The following TTLL11 variants were observed in gnomAD, a reference collection of about 807,000 sequenced individuals.
TTLL11 encodes the protein tubulin tyrosine ligase like 11, also known as tubulin polyglutamylase TTLL11.
TTLL11 carries 42 observed loss-of-function variants against 51.7 expected under a neutral mutation model. The observed-to-expected ratio is 0.81, with a 90% CI of 0.64 to 1.05. The LOEUF is 1.05. TTLL11 is among the 50% of genes least tolerant of loss of function. The pLI, the probability that TTLL11 is intolerant of heterozygous loss-of-function variation, is 0.00. For missense variants in TTLL11, 799 were observed against 940.4 expected (o/e 0.85, Z 1.97); for synonymous variants, 381 against 383.5 (o/e 0.99, Z 0.08).
At chr9:121,966,309 G>C (rs542278311) in intron 6 of TTLL11, among the ~76,000 whole-genome samples, 1 of 152,128 alleles carries the variant, frequency 6.6e-6, no homozygotes, top group African/African-American at 2.4e-5. Flanking sequence ...CAGGCATTGC[G>C]TGGCATCATG....
At position 121,826,221 on chromosome 9, in the gene TTLL11, C is replaced by CATATATATAT. The variant is rs1564260024; in HGVS notation, c.1841-3343_1841-3342insATATATATAT. Among the ~76,000 whole-genome samples, 39 of 27,310 alleles carry CATATATATAT rather than the reference C, an allele frequency of 1.4e-3. 3 individuals carry two copies. Among genetic ancestry groups the CATATATATAT allele is most frequent in the African/African-American group, 3.3e-3 (38 of 11,560 alleles). The allele number at this position is 27,310 out of a possible 152,430, so 17.9% of individuals were successfully genotyped here. ...ATATATATATATATATATATATGCA[C>CATATATATAT]ACATATATATATACACGCACATATA... On this transcript the variant is annotated intron_variant, in intron 8 of 8. Transcript: ENST00000321582.
At chr9:121,932,595 G>C (rs761144109) in intron 6 of TTLL11, among the ~76,000 whole-genome samples, 3 of 152,226 alleles carry the variant, frequency 2.0e-5, no homozygotes, top group Non-Finnish European at 4.4e-5. Context: ...AGCATGGAGA[G>C]CCCATGCTAT....
At chr9:122,080,134 C>T (rs1392814382) in intron 1 of TTLL11, among the ~76,000 whole-genome samples, 1 of 152,164 alleles carries the variant, frequency 6.6e-6, no homozygotes, top group Admixed American at 6.6e-5. Flanking sequence ...CCACTTTGAA[C>T]TATGCACTTA....
chr9:121,834,528 C>T (rs537674944), intron 8 of TTLL11, among the ~76,000 whole-genome samples: 28 of 149,678 alleles, frequency 1.9e-4, no homozygotes, highest in Non-Finnish European at 3.5e-4. Context: ...CAACACAGTG[C>T]TTAAAAAATG....
At chr9:121,854,950 A>G (rs948170465) in intron 8 of TTLL11, among the ~76,000 whole-genome samples, 3 of 152,202 alleles carry the variant, frequency 2.0e-5, no homozygotes, top group African/African-American at 7.2e-5. Flanking sequence ...GACAATTAAC[A>G]TTGGCATGCT....
chr9:122,010,536 C>T lies in TTLL11; in HGVS notation c.694-20766G>A, dbSNP rs184132768. ...AGTATTTATGACAGAGACTCTATGACCTACAAAGCTGAAAAGAGTTACTAT... is the reference window on the plus strand; with the variant it reads ...AGTATTTATGACAGAGACTCTATGATCTACAAAGCTGAAAAGAGTTACTAT... On this transcript the variant is annotated intron_variant, in intron 3 of 8. Coordinates refer to ENST00000321582, the MANE Select transcript of TTLL11 (RefSeq NM_001139442.2). 9.2e-5 allele frequency among the ~76,000 whole-genome samples: 14 copies of T among 152,278 alleles called. No individual in the cohort carries two copies. The East Asian group carries it at 2.5e-3, about 27-fold the overall frequency.
chr9:121,870,890 G>A, intron 6 of TTLL11, 142 bp from the exon 7 acceptor site: 1 of 976,612 alleles, frequency 1.0e-6, no homozygotes, highest in South Asian at 1.9e-5. Context: ...GAAGTGACCT[G>A]CCCAAGCTCA....
In TTLL11 at chr9:121,816,138, A is replaced by G. The variant is rs747275882; in HGVS notation, c.*6449T>C. On this transcript the variant is annotated 3_prime_UTR_variant, in exon 9 of 9. Transcript: ENST00000321582. ...CACTGGCCCGTGGTCATTTAGGCAG[A>G]GCGCAACAGATAGAACAAAGTGCAT... 6.6e-6 allele frequency: 1 copy of G among 152,250 alleles called. No individual in the cohort carries two copies. Among genetic ancestry groups the G allele is most frequent in the Non-Finnish European group, 1.5e-5 (1 of 68,062 alleles). The allele number at this position is 152,250 out of a possible 1,614,324, so 9.4% of individuals were successfully genotyped here. A position where few individuals can be genotyped will look rare whatever the true frequency, so the allele number is the denominator to read the frequency against.
At chr9:122,066,578 G>A (rs1469901337) in intron 1 of TTLL11, among the ~76,000 whole-genome samples, 1 of 152,142 alleles carries the variant, frequency 6.6e-6, no homozygotes, top group Non-Finnish European at 1.5e-5. Flanking sequence ...ACCAAGTTTG[G>A]GGCCATAACA....
chr9:121,921,809 A>T (rs549029005), intron 6 of TTLL11, among the ~76,000 whole-genome samples: 3 of 152,306 alleles, frequency 2.0e-5, no homozygotes, highest in Admixed American at 6.5e-5. Flanking sequence ...GGCTAGATAG[A>T]GGGAAGTAAT....
intron 1 of TTLL11, among the ~76,000 whole-genome samples, chr9:122,089,219 T>C (rs1935755841): frequency 6.6e-6 from 1 of 152,000 alleles, no homozygotes; most frequent in Admixed American, 6.6e-5. Flanking sequence ...GGGCTACTCA[T>C]CCACTCCCAC....
chr9:122,007,915 C>T (rs1436115490), intron 3 of TTLL11, among the ~76,000 whole-genome samples: 2 of 152,256 alleles, frequency 1.3e-5, no homozygotes, highest in East Asian at 3.9e-4. Flanking sequence ...CTGGCAGACA[C>T]CACCTTAGCC....
At chr9:122,049,153 G>C (rs1376635674) in intron 1 of TTLL11, among the ~76,000 whole-genome samples, 1 of 152,152 alleles carries the variant, frequency 6.6e-6, no homozygotes, top group Non-Finnish European at 1.5e-5. Flanking sequence ...AACTCACAAA[G>C]AGCAGCCACT....
chr9:121,954,963 G>A (rs994254541), intron 6 of TTLL11, among the ~76,000 whole-genome samples: 3 of 152,096 alleles, frequency 2.0e-5, no homozygotes, highest in Non-Finnish European at 2.9e-5. Context: ...GGAAGCGTGG[G>A]GACTGGCTCT....
At position 121,815,758 on chromosome 9, in the gene TTLL11, C is replaced by T. The variant is rs1836388386; in HGVS notation, c.*6829G>A. On this transcript the variant is annotated 3_prime_UTR_variant, in exon 9 of 9. Transcript: ENST00000321582. ...ATGAAGTTGCCAAGACAACTGAGGC[C>T]AAGTAACAGAACCTTGACTTTATGC... 6.6e-6 allele frequency: 1 copy of T among 152,096 alleles called. No homozygotes were observed. Among genetic ancestry groups the T allele is most frequent in the South Asian group, 2.1e-4 (1 of 4,824 alleles). 9.4% of individuals were successfully genotyped at this position (152,096 alleles called of 1,614,324 possible). A position where few individuals can be genotyped will look rare whatever the true frequency, so the allele number is the denominator to read the frequency against.
At position 122,092,935 on chromosome 9, in the gene TTLL11, C is replaced by T. The variant is rs1409545229; in HGVS notation, c.214G>A (p.Ala72Thr). 6.3e-7 allele frequency: 1 copy of T among 1,581,240 alleles called. No individual in the cohort carries two copies. ...ACCTGGGTGTTCCCCTCCTCAGCCG[C>T]ACTGGGCTGCGCCGGGGCCGGGGCC... Reference protein sequence around the residue: ...VLAPAPAQPSAAEEGNTQVLQ... With the variant: ...VLAPAPAQPSTAEEGNTQVLQ... Residue 72 changes from alanine to threonine, a missense_variant, in exon 1 of 9, where the codon GCG (alanine) becomes ACG (threonine). Around this residue, in one of 3 missense-constraint regions of TTLL11, gnomAD observed 166 missense variants for 161.6 expected, o/e 1.03. Coordinates refer to ENST00000321582, the MANE Select transcript of TTLL11 (RefSeq NM_001139442.2).
chr9:122,084,684 T>C lies in TTLL11; in HGVS notation c.462+8003A>G, dbSNP rs115873378. Among the ~76,000 whole-genome samples, 659 of 152,322 alleles carry C rather than the reference T, an allele frequency of 4.3e-3. 6 individuals are homozygous for C. Among genetic ancestry groups the C allele is most frequent in the African/African-American group, 0.014 (580 of 41,558 alleles). On this transcript the variant is annotated intron_variant, in intron 1 of 8. Transcript: ENST00000321582. Reference sequence around the variant, plus strand: ...AGAGGGAAAGTCAAACCAACATGTATTCTTACTTTAAAGTGCCAGGCGCTT... The same window carrying C: ...AGAGGGAAAGTCAAACCAACATGTACTCTTACTTTAAAGTGCCAGGCGCTT...
At position 122,039,529 on chromosome 9, in the gene TTLL11, G is replaced by A. The variant is rs569713970; in HGVS notation, c.463-161C>T. The stretch of plus-strand genomic sequence containing the variant: ...TGATATTCTTTGCCATTTTACAGAT[G>A]AGGAAACAGATTCAAACAGGTTTAA... On this transcript the variant is annotated intron_variant, in intron 1 of 8. Transcript: ENST00000321582. 4.6e-5 allele frequency among the ~76,000 whole-genome samples: 7 copies of A among 152,284 alleles called. No homozygotes were observed. The South Asian group carries it at 1.2e-3, about 27-fold the overall frequency.
At chr9:121,854,246 G>T (rs547832124) in intron 8 of TTLL11, among the ~76,000 whole-genome samples, 15 of 152,314 alleles carry the variant, frequency 9.8e-5, no homozygotes, top group Non-Finnish European at 1.9e-4. Flanking sequence ...ACATAGCTCA[G>T]GAGGCAGGCA....
Sources: gnomAD v4.1 joint callset for allele counts (sites outside exome capture counted in the v4.1 genomes callset) on GRCh38, gnomAD v4.1.1 for gene constraint, gnomAD v4.1.1 regional missense constraint, MANE v1.5 for transcripts, NCBI Gene and HGNC (gene_info 2026-07-23, HGNC 2026-07-21) for gene names.